ATP13A5: variants seen among roughly 807,000 people sequenced by gnomAD.
The protein encoded by ATP13A5 is probable cation-transporting ATPase 13A5.
Under a neutral mutation model 150.2 loss-of-function variants are expected in ATP13A5, and 149 were observed. The ratio of observed to expected loss-of-function variants is 0.99; its 90% CI spans 0.87 to 1.14. The LOEUF (loss-of-function observed/expected upper bound fraction) is 1.14. ATP13A5 is among the 50% of genes most tolerant of loss of function. The pLI, the probability that ATP13A5 is intolerant of heterozygous loss-of-function variation, is 0.00. For missense variants in ATP13A5, 1,383 were observed against 1,449.3 expected (o/e 0.95, Z 0.74); for synonymous variants, 497 against 522.2 (o/e 0.95, Z 0.66).
At chr3:193,288,627 A>G (rs1459808116) in intron 26 of ATP13A5, among the ~76,000 whole-genome samples, 1 of 152,150 alleles carries the variant, frequency 6.6e-6, no homozygotes, top group Non-Finnish European at 1.5e-5. Context: ...TGGGAACCCA[A>G]AACTTCATGT....
rs1253718600 is a variant in ATP13A5, at chr3:193,321,532, G to A, written c.1915+149C>T. 18 of 772,116 alleles carry A rather than the reference G, an allele frequency of 2.3e-5. No homozygotes were observed. The Admixed American group carries it at 3.7e-4, about 16-fold the overall frequency. 47.8% of individuals were successfully genotyped at this position (772,116 alleles called of 1,614,324 possible). On this transcript the variant is annotated intron_variant, in intron 16 of 29. Transcript: ENST00000342358. Reference sequence around the variant, plus strand: ...TGTAATCCCAGCTACTTGGGAGGCTGAGGCAGGAGAATCACTTGAACTTGG... The same window carrying A: ...TGTAATCCCAGCTACTTGGGAGGCTAAGGCAGGAGAATCACTTGAACTTGG...
At chr3:193,357,195 G>T (rs1712827388) in intron 5 of ATP13A5, among the ~76,000 whole-genome samples, 1 of 152,180 alleles carries the variant, frequency 6.6e-6, no homozygotes, top group Non-Finnish European at 1.5e-5. Flanking sequence ...TCCCTAAATA[G>T]TAGAATGAAT....
intron 23 of ATP13A5, among the ~76,000 whole-genome samples, chr3:193,303,461 G>A (rs1318831612): frequency 6.6e-6 from 1 of 152,082 alleles, no homozygotes; most frequent in Non-Finnish European, 1.5e-5. Context: ...GTGTGTGTAT[G>A]TGTGTGTATA....
chr3:193,295,928 A>G (rs1236078555), intron 25 of ATP13A5, among the ~76,000 whole-genome samples: 2 of 152,138 alleles, frequency 1.3e-5, no homozygotes, highest in Non-Finnish European at 2.9e-5. Context: ...AAGTCATAAG[A>G]GCCACTGTTA....
At chr3:193,367,517 A>G (rs1438497347) in intron 1 of ATP13A5, among the ~76,000 whole-genome samples, 2 of 152,120 alleles carry the variant, frequency 1.3e-5, no homozygotes, top group East Asian at 3.8e-4. Context: ...ACTCTGATAA[A>G]TATGTTGCAA....
At chr3:193,357,638 C>G (rs1712842861) in intron 5 of ATP13A5, among the ~76,000 whole-genome samples, 1 of 152,134 alleles carries the variant, frequency 6.6e-6, no homozygotes, top group Non-Finnish European at 1.5e-5. Context: ...GGAAAACAGG[C>G]CCCAGATTGT....
chr3:193,378,702 G>A lies in ATP13A5; in HGVS notation c.24C>T (p.Asp8=). 6.2e-7 allele frequency: 1 copy of A among 1,613,924 alleles called. No individual in the cohort carries two copies. The highest frequency in any genetic ancestry group is 8.5e-7 in the Non-Finnish European group (1 of 1,179,828). Residue 8 remains aspartate, a synonymous_variant, in exon 1 of 30, where the codon GAC becomes GAT. Coordinates refer to ENST00000342358, the MANE Select transcript of ATP13A5 (RefSeq NM_198505.4). MEENSKK[D]HRALLNQGEE... ...CTCCCTGGTTGAGCAAAGCCCGATG[G>A]TCCTTCTTACTGTTCTCTTCCATCT...
chr3:193,367,543 G>T (rs1268389653), intron 1 of ATP13A5, among the ~76,000 whole-genome samples: 1 of 152,094 alleles, frequency 6.6e-6, no homozygotes, highest in African/African-American at 2.4e-5. Flanking sequence ...GAAAATTGCA[G>T]GCTAAGCCCT....
intron 9 of ATP13A5, among the ~76,000 whole-genome samples, chr3:193,336,369 T>C (rs1711861620): frequency 6.6e-6 from 1 of 152,200 alleles, no homozygotes; most frequent in Non-Finnish European, 1.5e-5. Context: ...GTGTATCTCC[T>C]AATGCTATCC....
chr3:193,335,946 A>G (rs964793821), intron 9 of ATP13A5, among the ~76,000 whole-genome samples: 11 of 152,212 alleles, frequency 7.2e-5, no homozygotes, highest in African/African-American at 2.7e-4. Context: ...GAGTTCAAAA[A>G]GGATACATTT....
intron 6 of ATP13A5, among the ~76,000 whole-genome samples, chr3:193,353,396 T>C (rs2108892525): frequency 2.0e-5 from 3 of 150,926 alleles, no homozygotes; most frequent in Admixed American, 2.0e-4. Flanking sequence ...AAGGGAGAAG[T>C]TACTCTCAAG....
At position 193,307,326 on chromosome 3, in the gene ATP13A5, C is replaced by A. The variant is rs763933171; in HGVS notation, c.2568+1G>T. The A allele has an allele frequency of 1.9e-6, 3 of 1,613,878 alleles. No individual in the cohort carries two copies. Among genetic ancestry groups the A allele is most frequent in the South Asian group, 2.2e-5 (2 of 91,066 alleles). ...TCTGAGCAAAAGCCATTTCTACTCA[C>A]CCCACAGTCGTTAGCTCCATCTCCA... On this transcript the variant is annotated splice_donor_variant, in intron 22 of 29. Transcript: ENST00000342358. LOFTEE classifies it high-confidence loss of function.
At chr3:193,353,938 G>A (rs7632644) in intron 6 of ATP13A5, among the ~76,000 whole-genome samples, 189 bp downstream of exon 6, 82,294 of 151,886 alleles carry the variant, frequency 0.54, 22,517 homozygotes, top group African/African-American at 0.61. Flanking sequence ...GAGATTATGA[G>A]GCAGGAATCT....
intron 7 of ATP13A5, among the ~76,000 whole-genome samples, chr3:193,348,288 T>C (rs891183481): frequency 6.6e-6 from 1 of 152,198 alleles, no homozygotes; most frequent in Non-Finnish European, 1.5e-5. Flanking sequence ...CATATCGTTA[T>C]TATTCAGCAT....
chr3:193,376,422 G>A (rs1713645696), intron 1 of ATP13A5, among the ~76,000 whole-genome samples: 1 of 152,140 alleles, frequency 6.6e-6, no homozygotes, highest in South Asian at 2.1e-4. Flanking sequence ...ATGTTAACCA[G>A]ACTGGTCTTG....
At chr3:193,307,048 G>A (rs1035214103) in intron 22 of ATP13A5, 6 of 915,152 alleles carry the variant, frequency 6.6e-6, no homozygotes, top group Non-Finnish European at 7.8e-6. Context: ...AAAGCAGATA[G>A]ACTTGTAAAG....
intron 18 of ATP13A5, 78 bp from the exon 19 acceptor site, chr3:193,314,271 C>T: frequency 6.8e-7 from 1 of 1,478,794 alleles, no homozygotes; most frequent in South Asian, 1.3e-5. Flanking sequence ...CCCTTTTCCA[C>T]TCTGCTTGGT....
intron 10 of ATP13A5, 30 bp from the exon 11 acceptor site, chr3:193,333,937 G>A: frequency 1.3e-6 from 2 of 1,593,118 alleles, no homozygotes; most frequent in Non-Finnish European, 8.6e-7. Flanking sequence ...GATCAAGTAA[G>A]GCTGCTTGAT....
At position 193,274,852 on chromosome 3, in the gene ATP13A5, A is replaced by G; in HGVS notation, c.*190T>C. 2.8e-6 allele frequency: 2 copies of G among 714,268 alleles called. No homozygotes were observed. Among genetic ancestry groups the G allele is most frequent in the East Asian group, 2.6e-5 (1 of 37,770 alleles). The allele number at this position is 714,268 out of a possible 1,614,324, so 44.2% of individuals were successfully genotyped here. ...TACAGGAAATGCATTTTTTTCTCTC[A>G]TTGGTAAAGCATACAGTCAGAATAA... On this transcript the variant is annotated 3_prime_UTR_variant, in exon 30 of 30. Transcript: ENST00000342358.
Sources: gnomAD v4.1 joint callset for allele counts (sites outside exome capture counted in the v4.1 genomes callset) on GRCh38, gnomAD v4.1.1 for gene constraint, MANE v1.5 for transcripts, NCBI Gene and HGNC (gene_info 2026-07-23, HGNC 2026-07-21) for gene names.